The following ZBBX variants were observed in gnomAD, a reference collection of about 807,000 sequenced individuals.
ZBBX encodes zinc finger B-box domain-containing protein 1.
A neutral mutation model predicts 108.5 loss-of-function variants in ZBBX; 101 were observed. The ratio of observed to expected loss-of-function variants is 0.93; its 90% CI spans 0.79 to 1.10. ZBBX has a LOEUF of 1.10. Ranked by LOEUF, ZBBX falls within the 50% of genes least tolerant of loss-of-function variation. The probability of loss-of-function intolerance (pLI) is 0.00; values close to 1 mark genes in which losing one functional copy is unlikely to be tolerated. For synonymous variants in ZBBX, 356 were observed against 323.4 expected, an observed-to-expected ratio of 1.10 and a Z score of -1.08; for missense variants, 1,009 against 941.4, an observed-to-expected ratio of 1.07 and a Z score of -0.94.
chr3:167,284,569 A>G (rs1421651580), intron 19 of ZBBX, among the ~76,000 whole-genome samples: 1 of 152,188 alleles, frequency 6.6e-6, no homozygotes, highest in African/African-American at 2.4e-5. Flanking sequence ...AGAAAAATTT[A>G]ATATAATGTA....
chr3:167,271,487 C>A (rs537217654), intron 20 of ZBBX, among the ~76,000 whole-genome samples: 2 of 152,144 alleles, frequency 1.3e-5, no homozygotes, highest in Admixed American at 6.5e-5. Context: ...AAAATAGGGG[C>A]CAAAGAAAAC....
At chr3:167,346,067 T>C (rs1421819154) in intron 9 of ZBBX, among the ~76,000 whole-genome samples, 1 of 151,898 alleles carries the variant, frequency 6.6e-6, no homozygotes, top group Non-Finnish European at 1.5e-5. Flanking sequence ...ATTAACATTG[T>C]CTCTTCTGTC....
chr3:167,239,415 C>T (rs983741433), downstream of ZBBX, among the ~76,000 whole-genome samples: 21 of 152,016 alleles, frequency 1.4e-4, no homozygotes, highest in Admixed American at 1.4e-3. Flanking sequence ...CTCTGTCACT[C>T]CTGAGACACA....
At chr3:167,300,630 A>C (rs1254242117) in intron 17 of ZBBX, among the ~76,000 whole-genome samples, 2 of 144,596 alleles carry the variant, frequency 1.4e-5, no homozygotes, top group East Asian at 2.0e-4. Flanking sequence ...TTTTTACGAG[A>C]TAAGAGTCTC....
intron 17 of ZBBX, among the ~76,000 whole-genome samples, chr3:167,302,836 G>A (rs1234972947): frequency 1.3e-5 from 2 of 152,186 alleles, no homozygotes; most frequent in African/African-American, 2.4e-5. Flanking sequence ...CACATACCCT[G>A]AGCTGTGTTA....
At chr3:167,343,719 C>T (rs1740950929) in intron 9 of ZBBX, among the ~76,000 whole-genome samples, 1 of 151,850 alleles carries the variant, frequency 6.6e-6, no homozygotes, top group Non-Finnish European at 1.5e-5. Context: ...CAGATAATAA[C>T]AAGTGGTGGC....
chr3:167,207,794 C>T, the ZBBX span, among the ~76,000 whole-genome samples: 1 of 152,094 alleles, frequency 6.6e-6, no homozygotes, highest in African/African-American at 2.4e-5. Context: ...AGTCACCCTC[C>T]CCACAGAACA....
At chr3:167,397,093 A>C (rs1159139055) in intron 1 of ZBBX, among the ~76,000 whole-genome samples, 1 of 143,258 alleles carries the variant, frequency 7.0e-6, no homozygotes, top group Non-Finnish European at 1.5e-5. Context: ...TCAACTACTC[A>C]CCTTAAGAAT....
chr3:167,248,565 C>T (rs2108344949), intron 20 of ZBBX: 1 of 453,646 alleles, frequency 2.2e-6, no homozygotes, highest in Non-Finnish European at 4.4e-6. Context: ...CGACAGGGCA[C>T]ATTTGAGACA....
upstream of ZBBX, among the ~76,000 whole-genome samples, chr3:167,384,429 C>G (rs1217085815): frequency 6.6e-6 from 1 of 151,858 alleles, no homozygotes; most frequent in African/African-American, 2.4e-5. Flanking sequence ...GATAACCAGC[C>G]GTGGAAGAGC....
chr3:167,207,524 C>T, the ZBBX span, among the ~76,000 whole-genome samples: 31 of 152,174 alleles, frequency 2.0e-4, no homozygotes, highest in South Asian at 6.4e-3. Context: ...AAATATCACA[C>T]TTTTTTAAAA....
At chr3:167,332,677 TA>T (rs761731741) in intron 10 of ZBBX, among the ~76,000 whole-genome samples, 1 of 152,166 alleles carries the variant, frequency 6.6e-6, no homozygotes, top group African/African-American at 2.4e-5. Flanking sequence ...AGGTGTTCAA[TA>T]AAAGTTAGTT....
intron 11 of ZBBX, among the ~76,000 whole-genome samples, chr3:167,325,799 T>C (rs1737275738): frequency 6.6e-6 from 1 of 152,022 alleles, no homozygotes; most frequent in Non-Finnish European, 1.5e-5. Context: ...ATAATAAAAA[T>C]AAAAGGTAAT....
In ZBBX at chr3:167,314,080, T is replaced by C. The variant is rs1251961064; in HGVS notation, c.1311A>G (p.Pro437=). The C allele has an allele frequency of 1.9e-6, 3 of 1,603,582 alleles. No homozygotes were observed. Among genetic ancestry groups the C allele is most frequent in the African/African-American group, 1.3e-5 (1 of 74,614 alleles). ...GATGTTGATGGATGCCATTTTCATA[T>C]GGAAAGCTATTCTTCTGACAATCAT... The part of the protein sequence containing the change: ...AFHDCQKNSF[P]YENGIHQHHV... The change falls in exon 16 of 22, where the codon CCA becomes CCG. Residue 437 remains proline, a synonymous_variant. Coordinates refer to ENST00000675490, the MANE Select transcript of ZBBX (RefSeq NM_001199201.2).
At chr3:167,376,233 C>T (rs1013015139) in intron 2 of ZBBX, among the ~76,000 whole-genome samples, 1 of 152,150 alleles carries the variant, frequency 6.6e-6, no homozygotes, top group African/African-American at 2.4e-5. Flanking sequence ...ATGTAATTCT[C>T]TTTTTTCTCC....
intron 20 of ZBBX, among the ~76,000 whole-genome samples, chr3:167,260,522 T>C (rs546759482): frequency 1.5e-3 from 225 of 152,326 alleles, no homozygotes; most frequent in African/African-American, 5.2e-3. Context: ...GCTTTGTTCA[T>C]ATTTTCTTAT....
At chr3:167,274,648 C>T (rs570849184) in intron 20 of ZBBX, among the ~76,000 whole-genome samples, 6 of 152,290 alleles carry the variant, frequency 3.9e-5, no homozygotes, top group South Asian at 2.1e-4. Flanking sequence ...ACCCCCTTCC[C>T]GTCAGTTCTA....
chr3:167,188,897 A>G, the ZBBX span, among the ~76,000 whole-genome samples: 1 of 152,166 alleles, frequency 6.6e-6, no homozygotes, highest in Non-Finnish European at 1.5e-5. Context: ...AAAGCCTTAA[A>G]AGAAGTTATT....
chr3:167,204,542 T>C, the ZBBX span, among the ~76,000 whole-genome samples: 1 of 149,826 alleles, frequency 6.7e-6, no homozygotes, highest in Admixed American at 6.7e-5. Flanking sequence ...GTTTCCATTT[T>C]CATCCATGTC....
Sources: gnomAD v4.1 joint callset for allele counts (sites outside exome capture counted in the v4.1 genomes callset) on GRCh38, gnomAD v4.1.1 for gene constraint, MANE v1.5 for transcripts, NCBI Gene and HGNC (gene_info 2026-07-23, HGNC 2026-07-21) for gene names.